Variants in DLG2 observed in about 807,000 individuals in gnomAD.
The protein encoded by DLG2 is discs large MAGUK scaffold protein 2.
In DLG2, 45 loss-of-function variants were observed where a neutral mutation model predicts 132.5. The ratio of observed to expected loss-of-function variants is 0.34; its 90% CI spans 0.27 to 0.44. The LOEUF (loss-of-function observed/expected upper bound fraction) is 0.44, where lower values mean the gene tolerates loss of function less well. Ranked by LOEUF, DLG2 falls within the 20% of genes least tolerant of loss-of-function variation. The probability of loss-of-function intolerance (pLI) is 1.00; values close to 1 mark genes in which losing one functional copy is unlikely to be tolerated. For missense variants in DLG2, 1,045 were observed against 1,196.9 expected (o/e 0.87, Z 1.87); for synonymous variants, 424 against 419.6 (o/e 1.01, Z -0.13).
chr11:83,845,561 T>C (rs1169037874), intron 16 of DLG2, among the ~76,000 whole-genome samples: 1 of 152,180 alleles, frequency 6.6e-6, no homozygotes, highest in Non-Finnish European at 1.5e-5. Flanking sequence ...ATTAAAATAA[T>C]AGAAAGAAAT....
At chr11:84,733,244 TACAGACCCACCA>T (rs1053937069) in intron 6 of DLG2, among the ~76,000 whole-genome samples, 23 of 152,184 alleles carry the variant, frequency 1.5e-4, no homozygotes, top group African/African-American at 5.6e-4. Context: ...TGAACTAGTT[TACAGACCCACCA>T]ACAGTGTAAG....
At chr11:83,923,296 T>C (rs925232984) in intron 15 of DLG2, among the ~76,000 whole-genome samples, 1 of 152,156 alleles carries the variant, frequency 6.6e-6, no homozygotes, top group South Asian at 2.1e-4. Flanking sequence ...TCAATTTCCC[T>C]TGATCATCAC....
intron 6 of DLG2, among the ~76,000 whole-genome samples, chr11:85,014,451 G>A (rs779714009): frequency 6.6e-6 from 1 of 152,082 alleles, no homozygotes; most frequent in Admixed American, 6.6e-5. Context: ...GCACTAAACA[G>A]ATGGAAAGAA....
At chr11:85,578,055 G>A (rs1387782298) in intron 3 of DLG2, among the ~76,000 whole-genome samples, 1 of 152,040 alleles carries the variant, frequency 6.6e-6, no homozygotes, top group Non-Finnish European at 1.5e-5. Context: ...ACAGACAAGT[G>A]GAACAGAATA....
chr11:85,220,016 T>G (rs1306654360), intron 4 of DLG2, among the ~76,000 whole-genome samples: 1 of 152,058 alleles, frequency 6.6e-6, no homozygotes, highest in African/African-American at 2.4e-5. Context: ...ATTCATTCAT[T>G]CATTCCTCCA....
chr11:84,719,757 G>C (rs1366186652), intron 6 of DLG2, among the ~76,000 whole-genome samples: 3 of 152,142 alleles, frequency 2.0e-5, no homozygotes, highest in Non-Finnish European at 4.4e-5. Flanking sequence ...ATTTCAAGTG[G>C]ATTGTATAAA....
chr11:84,124,848 T>TG (rs67364493), intron 9 of DLG2, among the ~76,000 whole-genome samples: 1 of 4,692 alleles, frequency 2.1e-4, no homozygotes, highest in African/African-American at 4.8e-4. Context: ...TTGTTTTCAC[T>TG]TTTTTTTTTT....
chr11:83,859,021 A>C (rs550014945), intron 16 of DLG2, among the ~76,000 whole-genome samples: 1 of 152,216 alleles, frequency 6.6e-6, no homozygotes, highest in Non-Finnish European at 1.5e-5. Context: ...GCTGCAATTC[A>C]TCTAAGATGT....
chr11:83,587,879 C>T (rs1002875789), intron 19 of DLG2, among the ~76,000 whole-genome samples: 4 of 152,254 alleles, frequency 2.6e-5, no homozygotes, highest in Non-Finnish European at 4.4e-5. Context: ...AAAGGGGTGA[C>T]GGACGGCACC....
intron 7 of DLG2, among the ~76,000 whole-genome samples, chr11:84,284,801 T>A (rs1250936330): frequency 6.6e-6 from 1 of 152,148 alleles, no homozygotes; most frequent in East Asian, 1.9e-4. Context: ...AATATGCCTC[T>A]CCCCCTACTT....
chr11:85,375,724 A>C (rs955425300), intron 3 of DLG2, among the ~76,000 whole-genome samples: 2 of 152,242 alleles, frequency 1.3e-5, no homozygotes, highest in Non-Finnish European at 2.9e-5. Context: ...TTGAACAGTA[A>C]TAAGGACAAC....
At position 84,934,504 on chromosome 11, in the gene DLG2, GTTTTTTTTTTGTTTTGTTTTGTTTT is replaced by G. The variant is rs1210933997; in HGVS notation, c.357+177132_357+177156del. 8.9e-4 allele frequency among the ~76,000 whole-genome samples: 30 copies of G among 33,886 alleles called. 4 individuals are homozygous for G. The highest frequency in any genetic ancestry group is 4.5e-3 in the Admixed American group (16 of 3,582). 22.2% of individuals were successfully genotyped at this position (33,886 alleles called of 152,430 possible). A position where few individuals can be genotyped will look rare whatever the true frequency, so the allele number is the denominator to read the frequency against. On this transcript the variant is annotated intron_variant, in intron 6 of 27. Coordinates refer to ENST00000376104, the MANE Select transcript of DLG2 (RefSeq NM_001142699.3). ...TCTGTGAATCTGTATGGTCCTGGGTGTTTTTTTTTTGTTTTGTTTTGTTTTTTTTTTTTTTTTTTTTTGGTGGGTA... is the reference window on the plus strand; with the variant it reads ...TCTGTGAATCTGTATGGTCCTGGGTGTTTTTTTTTTTTTTTTTGGTGGGTA...
At chr11:84,804,198 C>T (rs2075745230) in intron 6 of DLG2, among the ~76,000 whole-genome samples, 1 of 152,172 alleles carries the variant, frequency 6.6e-6, no homozygotes, top group Admixed American at 6.5e-5. Context: ...AGACTGGCAG[C>T]CTTTGCATTC....
intron 19 of DLG2, chr11:83,631,514 G>T (rs1252635237): frequency 1.3e-5 from 2 of 151,894 alleles, no homozygotes; most frequent in African/African-American, 4.8e-5. Flanking sequence ...CTAAGTCTTT[G>T]TCTCTTCTGT....
At chr11:84,196,303 C>G (rs2096515675) in intron 8 of DLG2, among the ~76,000 whole-genome samples, 1 of 152,104 alleles carries the variant, frequency 6.6e-6, no homozygotes, top group African/African-American at 2.4e-5. Context: ...GTCACAGGAA[C>G]TCAACAGACA....
At position 83,464,800 on chromosome 11, in the gene DLG2, A is replaced by T. The variant is rs1274821671; in HGVS notation, c.2729+1908T>A. 2.0e-5 allele frequency among the ~76,000 whole-genome samples: 3 copies of T among 150,180 alleles called. No homozygotes were observed. In the East Asian group the frequency reaches 5.9e-4, roughly 30 times the overall value. On this transcript the variant is annotated intron_variant, in intron 26 of 27. Transcript: ENST00000376104. ...GCCTCATTCCCCTGGGAAGCCATTTATCCCACTGAGTGTTTACAATATGAA... is the reference window on the plus strand; with the variant it reads ...GCCTCATTCCCCTGGGAAGCCATTTTTCCCACTGAGTGTTTACAATATGAA...
intron 3 of DLG2, among the ~76,000 whole-genome samples, chr11:85,504,655 C>T (rs937249589): frequency 6.6e-6 from 1 of 152,162 alleles, no homozygotes; most frequent in Non-Finnish European, 1.5e-5. Context: ...GTGGTGCATC[C>T]AGCTTTGTTC....
At chr11:84,910,230 C>A (rs2091930738) in intron 6 of DLG2, among the ~76,000 whole-genome samples, 1 of 152,132 alleles carries the variant, frequency 6.6e-6, no homozygotes, top group Admixed American at 6.5e-5. Context: ...ATCATTTCTG[C>A]AAAACTATCT....
intron 6 of DLG2, among the ~76,000 whole-genome samples, chr11:84,652,992 C>T (rs190082866): frequency 9.6e-4 from 143 of 149,098 alleles, no homozygotes; most frequent in Middle Eastern, 7.0e-3. Context: ...AGTGCAGTGG[C>T]GTGATCTCAA....
Sources: gnomAD v4.1 joint callset for allele counts (sites outside exome capture counted in the v4.1 genomes callset) on GRCh38, gnomAD v4.1.1 for gene constraint, MANE v1.5 for transcripts, NCBI Gene and HGNC (gene_info 2026-07-23, HGNC 2026-07-21) for gene names.